The following CRACR2A variants were observed in gnomAD, a reference collection of about 807,000 sequenced individuals.
The protein encoded by CRACR2A is calcium release activated channel regulator 2A.
CRACR2A carries 79 observed loss-of-function variants against 90.5 expected under a neutral mutation model. The ratio of observed to expected loss-of-function variants is 0.87; its 90% CI spans 0.73 to 1.05. CRACR2A has a LOEUF of 1.05. Among genes scored for constraint, CRACR2A ranks in the 50% least tolerant of loss-of-function variants. CRACR2A has a pLI of 0.00. For synonymous variants in CRACR2A, 338 were observed against 356.7 expected, an observed-to-expected ratio of 0.95 and a Z score of 0.59; for missense variants, 823 against 897.2, an observed-to-expected ratio of 0.92 and a Z score of 1.06.
At chr12:3,627,125 C>T (rs2137301174) in intron 17 of CRACR2A, among the ~76,000 whole-genome samples, 1 of 152,304 alleles carries the variant, frequency 6.6e-6, no homozygotes, top group South Asian at 2.1e-4. Flanking sequence ...TGTGTCCCCT[C>T]CCCCAATCCA....
rs1269434449 is a variant in CRACR2A, at chr12:3,621,710, A to C, written c.1933-2338T>G. ...AAGCAATTCCTGGATATAAAAATAA[A>C]GGAGCTTAGAAGGAGCAGAAAAAAA... On this transcript the variant is annotated intron_variant, in intron 17 of 19. Transcript: ENST00000440314. Among the ~76,000 whole-genome samples, 3 of 148,094 alleles carry C rather than the reference A, an allele frequency of 2.0e-5. No individual in the cohort carries two copies. The East Asian group carries it at 6.0e-4, about 29-fold the overall frequency.
intron 2 of CRACR2A, chr12:3,725,954 T>C (rs1373835744): frequency 6.6e-6 from 1 of 152,118 alleles, no homozygotes; most frequent in Non-Finnish European, 1.5e-5. Flanking sequence ...CTGTCATCCA[T>C]TGTTTTGTAA....
intron 3 of CRACR2A, among the ~76,000 whole-genome samples, chr12:3,710,198 C>T (rs1945987642): frequency 6.6e-6 from 1 of 152,176 alleles, no homozygotes; most frequent in African/African-American, 2.4e-5. Flanking sequence ...CACTTCCTTC[C>T]AAAGTATTTC....
chr12:3,731,451 G>C (rs1946360115), intron 2 of CRACR2A: 1 of 152,286 alleles, frequency 6.6e-6, no homozygotes, highest in South Asian at 2.1e-4. Flanking sequence ...TGTCCAGCTG[G>C]GCCCCAGCTC....
intron 3 of CRACR2A, among the ~76,000 whole-genome samples, chr12:3,704,759 C>G (rs1382044822): frequency 6.6e-6 from 1 of 152,066 alleles, no homozygotes; most frequent in Non-Finnish European, 1.5e-5. Context: ...AAGCAATTTC[C>G]CTGTGAAAAC....
At chr12:3,629,354 G>A (rs1428272142) in intron 15 of CRACR2A, among the ~76,000 whole-genome samples, 1 of 152,210 alleles carries the variant, frequency 6.6e-6, no homozygotes, top group Non-Finnish European at 1.5e-5. Flanking sequence ...AGTGCTCCCA[G>A]CAAAACAGAT....
intron 4 of CRACR2A, among the ~76,000 whole-genome samples, chr12:3,680,659 G>A (rs1945430871): frequency 6.6e-6 from 1 of 152,116 alleles, no homozygotes; most frequent in South Asian, 2.1e-4. Context: ...TCTGAGCTAG[G>A]CACTATTATC....
At chr12:3,745,968 C>T (rs1382176166) in intron 1 of CRACR2A, among the ~76,000 whole-genome samples, 1 of 151,992 alleles carries the variant, frequency 6.6e-6, no homozygotes, top group African/African-American at 2.4e-5. Context: ...GCTGACCTCC[C>T]TGACCCCATT....
Position 3,633,572 on chromosome 12 carries a change from G to C in CRACR2A, c.1735+32C>G, listed in dbSNP as rs1944410979. The C allele has an allele frequency of 6.4e-7, 1 of 1,551,412 alleles. No homozygotes were observed. The highest frequency in any genetic ancestry group is 1.4e-5 in the African/African-American group (1 of 73,112). Reference sequence around the variant, plus strand: ...TCACAAACTCCCTTCCCAAAGATGGGCCTAGGACCCACCTCAGGGATGAGA... The same window carrying C: ...TCACAAACTCCCTTCCCAAAGATGGCCCTAGGACCCACCTCAGGGATGAGA... On this transcript the variant is annotated intron_variant, in intron 15 of 19. Transcript: ENST00000440314. This position sits in a 1 kb window ranked among gnomAD's most constrained non-coding sequence, Gnocchi z 4.5.
At chr12:3,734,888 G>T (rs911883169) in intron 1 of CRACR2A, among the ~76,000 whole-genome samples, 1 of 152,108 alleles carries the variant, frequency 6.6e-6, no homozygotes, top group African/African-American at 2.4e-5. Flanking sequence ...GGAAATGTTG[G>T]TCCAAGGGTA....
chr12:3,734,209 C>A (rs1417898667), intron 1 of CRACR2A, among the ~76,000 whole-genome samples: 1 of 151,900 alleles, frequency 6.6e-6, no homozygotes, highest in Non-Finnish European at 1.5e-5. Flanking sequence ...TATCTCCTGA[C>A]CTCGTGATCT....
intron 10 of CRACR2A, among the ~76,000 whole-genome samples, chr12:3,651,090 G>A (rs566969340): frequency 1.4e-4 from 22 of 152,328 alleles, no homozygotes; most frequent in Non-Finnish European, 2.4e-4. Flanking sequence ...AAGAACCTGC[G>A]TTTGTTTGGA....
At chr12:3,741,225 G>A (rs1038258602) in intron 1 of CRACR2A, among the ~76,000 whole-genome samples, 2 of 152,218 alleles carry the variant, frequency 1.3e-5, no homozygotes, top group South Asian at 4.2e-4. Context: ...ATTTCTGAGG[G>A]TCCCAGTCAG....
chr12:3,733,973 A>ATTTTTTTAT (rs1555121378), intron 1 of CRACR2A, among the ~76,000 whole-genome samples: 1 of 99,796 alleles, frequency 1.0e-5, no homozygotes, highest in African/African-American at 3.7e-5. Context: ...ATTTTGCCTT[A>ATTTTTTTAT]TTTTTTTTTT....
chr12:3,679,936 C>A lies in CRACR2A; in HGVS notation c.340+302G>T, dbSNP rs1362436011. On this transcript the variant is annotated intron_variant, in intron 5 of 19. Transcript: ENST00000440314. The stretch of plus-strand genomic sequence containing the variant: ...AGAGGCTGCAAATCTCATCACAGCT[C>A]CCCCTTTTATGCTATGGCTTCTGCA... Among the ~76,000 whole-genome samples, 4 of 152,320 alleles carry A rather than the reference C, an allele frequency of 2.6e-5. No individual in the cohort carries two copies. The East Asian group carries it at 5.8e-4, about 22-fold the overall frequency.
At position 3,633,128 on chromosome 12, in the gene CRACR2A, A is replaced by G. The variant is rs1246831852; in HGVS notation, c.1735+476T>C. ...GGACAGATACAATGCGATGGGTAAA[A>G]GAAGCCATCCAGGAGCAAGGCCAGG... On this transcript the variant is annotated intron_variant, in intron 15 of 19. Transcript: ENST00000440314. The surrounding 1 kb of genome is among the most constrained non-coding windows in gnomAD (Gnocchi z 4.5). Among the ~76,000 whole-genome samples the G allele has an allele frequency of 2.6e-5, 4 of 152,160 alleles. No homozygotes were observed. Among genetic ancestry groups the G allele is most frequent in the African/African-American group, 7.2e-5 (3 of 41,442 alleles).
At chr12:3,728,987 A>G (rs1199700748) in intron 2 of CRACR2A, 1 of 152,130 alleles carries the variant, frequency 6.6e-6, no homozygotes, top group Non-Finnish European at 1.5e-5. Flanking sequence ...TCCATGGCGT[A>G]TTTGTCTCTT....
chr12:3,699,743 C>A lies in CRACR2A; in HGVS notation c.-36-2708G>T, dbSNP rs546677488. Among the ~76,000 whole-genome samples the A allele has an allele frequency of 2.2e-4, 34 of 152,272 alleles. No homozygotes were observed. In the East Asian group the frequency reaches 5.2e-3, roughly 23 times the overall value. On this transcript the variant is annotated intron_variant, in intron 3 of 19. Transcript: ENST00000440314. ...CAGCTATGAGCAACCAGTAGACAGG[C>A]ACCATGTCTTATTCGATTTTACCGC...
At chr12:3,653,486 C>T (rs1216437094) in intron 10 of CRACR2A, among the ~76,000 whole-genome samples, 1 of 152,192 alleles carries the variant, frequency 6.6e-6, no homozygotes, top group Non-Finnish European at 1.5e-5. Context: ...ACCTAATACT[C>T]CCAAGACAAG....
Sources: allele counts gnomAD v4.1 joint callset (sites outside exome capture counted in the v4.1 genomes callset), GRCh38; gene constraint gnomAD v4.1.1; non-coding constraint Gnocchi (gnomAD v3.1); transcripts MANE v1.5; gene names NCBI Gene and HGNC (gene_info 2026-07-23, HGNC 2026-07-21).